SGCD: variants seen among roughly 807,000 people sequenced by gnomAD.
SGCD encodes the protein sarcoglycan delta.
SGCD carries 18 observed loss-of-function variants against 36.6 expected under a neutral mutation model. The ratio of observed to expected loss-of-function variants is 0.49; its 90% CI spans 0.34 to 0.73. The LOEUF is 0.73. SGCD is among the 30% of genes least tolerant of loss of function. The probability of loss-of-function intolerance (pLI) is 0.01; values close to 1 mark genes in which losing one functional copy is unlikely to be tolerated. For missense variants in SGCD, 387 were observed against 346.7 expected (o/e 1.12, Z -0.92); for synonymous variants, 133 against 130.6 (o/e 1.02, Z -0.12).
At position 156,296,889 on chromosome 5, in the gene SGCD, T is replaced by C. The variant is rs887248072; in HGVS notation, c.-43-32645T>C. On this transcript the variant is annotated intron_variant, in intron 3 of 9. Transcript: ENST00000517913. ...TTCACTGTTTTCAATTTTTGCTTCA[T>C]ATGTACACATGCACACTATATATGA... 4.6e-5 allele frequency among the ~76,000 whole-genome samples: 7 copies of C among 152,078 alleles called. No homozygotes were observed. The East Asian group carries it at 1.3e-3, about 29-fold the overall frequency.
chr5:156,733,342 T>C (rs1277875650), intron 7 of SGCD, among the ~76,000 whole-genome samples: 1 of 152,044 alleles, frequency 6.6e-6, no homozygotes, highest in Non-Finnish European at 1.5e-5. Flanking sequence ...TCAATTTCCA[T>C]GTAGTTGTGT....
At chr5:156,203,600 T>C (rs1764202292) in intron 3 of SGCD, among the ~76,000 whole-genome samples, 1 of 152,172 alleles carries the variant, frequency 6.6e-6, no homozygotes, top group South Asian at 2.1e-4. Context: ...CTTTATACTA[T>C]GGAAATAAAG....
chr5:156,227,943 C>T (rs1052282277), intron 3 of SGCD, among the ~76,000 whole-genome samples: 9 of 152,024 alleles, frequency 5.9e-5, no homozygotes, highest in African/African-American at 1.9e-4. Flanking sequence ...AATGTATTTG[C>T]ATGGTTTTGA....
intron 3 of SGCD, among the ~76,000 whole-genome samples, chr5:156,154,709 G>T (rs901776524): frequency 3.3e-5 from 5 of 151,658 alleles, no homozygotes; most frequent in African/African-American, 1.2e-4. Context: ...AAAGTAGTTG[G>T]ACTGTTTGTC....
intron 3 of SGCD, among the ~76,000 whole-genome samples, chr5:156,168,053 C>T (rs1458122119): frequency 6.6e-6 from 1 of 152,186 alleles, no homozygotes; most frequent in Non-Finnish European, 1.5e-5. Context: ...GAAAAACATA[C>T]ATGACAGGAA....
intron 6 of SGCD, among the ~76,000 whole-genome samples, chr5:156,595,832 AT>A (rs1175276075): frequency 6.6e-6 from 1 of 152,222 alleles, no homozygotes; most frequent in African/African-American, 2.4e-5. Flanking sequence ...AACACTGAGA[AT>A]TCGTTATTAA....
chr5:156,154,902 CT>C lies in SGCD; in HGVS notation c.-44+30888del, dbSNP rs1369759366. ...TGCTGCTCCTTTTCCTGTTCCCTGA[CT>C]TTTTACTGGACTCTGCACATAGCTC... is the stretch of plus-strand genomic sequence containing the variant. On this transcript the variant is annotated intron_variant, in intron 3 of 9. Coordinates refer to the SGCD transcript ENST00000517913. Among the ~76,000 whole-genome samples the C allele has an allele frequency of 8.6e-5, 13 of 151,718 alleles. No homozygotes were observed. The East Asian group carries it at 1.5e-3, about 18-fold the overall frequency.
chr5:156,357,696 A>G (rs1040022453), intron 3 of SGCD, among the ~76,000 whole-genome samples: 15 of 152,216 alleles, frequency 9.9e-5, no homozygotes, highest in Non-Finnish European at 2.2e-4. Flanking sequence ...TTTGATAAAT[A>G]AAGTTAAAGA....
chr5:156,101,836 C>A lies in SGCD; in HGVS notation c.-281-16042C>A, dbSNP rs1266875384. Among the ~76,000 whole-genome samples the A allele has an allele frequency of 2.7e-5, 4 of 150,460 alleles. 1 individual carries two copies. The highest frequency in any genetic ancestry group is 6.9e-3 in the Middle Eastern group (2 of 290). The stretch of plus-strand genomic sequence containing the variant: ...AAATCTTAGAGTGGAATCATAAATT[C>A]TTTGATTAAATTCCAATATCAATAA... On this transcript the variant is annotated intron_variant, in intron 1 of 9. Transcript: ENST00000517913.
At chr5:156,464,510 A>G (rs570663935) in intron 3 of SGCD, among the ~76,000 whole-genome samples, 1 of 152,238 alleles carries the variant, frequency 6.6e-6, no homozygotes, top group Admixed American at 6.5e-5. Flanking sequence ...GTGAGCCACC[A>G]TGCCCGGCCT....
At chr5:156,049,306 G>T (rs1451958368) in intron 1 of SGCD, among the ~76,000 whole-genome samples, 1 of 145,470 alleles carries the variant, frequency 6.9e-6, no homozygotes, top group Non-Finnish European at 1.5e-5. Context: ...TTGGTGATGC[G>T]GGCTCTTTTT....
chr5:156,465,834 A>G (rs1331870251), intron 3 of SGCD, among the ~76,000 whole-genome samples: 1 of 152,210 alleles, frequency 6.6e-6, no homozygotes, highest in Non-Finnish European at 1.5e-5. Flanking sequence ...AGGTGATGTC[A>G]CACAGATATT....
chr5:156,011,499 G>A (rs538172879), intron 1 of SGCD, among the ~76,000 whole-genome samples: 2 of 151,996 alleles, frequency 1.3e-5, no homozygotes, highest in South Asian at 4.2e-4. Flanking sequence ...GGAGGGCAGT[G>A]TCGTGATCTT....
intron 4 of SGCD, among the ~76,000 whole-genome samples, chr5:156,523,892 C>A (rs574148909): frequency 6.6e-6 from 1 of 151,036 alleles, no homozygotes; most frequent in East Asian, 1.9e-4. Context: ...ATGTACAATA[C>A]GTTTTTACTT....
chr5:156,710,447 G>T (rs1019871730), intron 7 of SGCD, among the ~76,000 whole-genome samples: 3 of 152,346 alleles, frequency 2.0e-5, no homozygotes, highest in South Asian at 4.1e-4. Flanking sequence ...AGAGATTTAT[G>T]TTGAGCCAAA....
At chr5:156,434,749 C>T (rs570441372) in intron 3 of SGCD, among the ~76,000 whole-genome samples, 8 of 152,182 alleles carry the variant, frequency 5.3e-5, no homozygotes, top group South Asian at 2.1e-4. Flanking sequence ...AAACATGCAC[C>T]GGTGAGCAGT....
At chr5:156,178,121 G>A (rs1408731703) in intron 3 of SGCD, among the ~76,000 whole-genome samples, 3 of 151,996 alleles carry the variant, frequency 2.0e-5, no homozygotes, top group African/African-American at 7.3e-5. Flanking sequence ...GTAATTTATT[G>A]AATAACATAC....
chr5:156,358,975 G>A (rs1258699145), intron 3 of SGCD, among the ~76,000 whole-genome samples: 1 of 152,020 alleles, frequency 6.6e-6, no homozygotes. Flanking sequence ...TGAGGAGAAT[G>A]CACTTATGTA....
At chr5:156,502,579 C>T (rs1756506696) in intron 3 of SGCD, among the ~76,000 whole-genome samples, 2 of 152,166 alleles carry the variant, frequency 1.3e-5, no homozygotes, top group African/African-American at 2.4e-5. Flanking sequence ...AAGAAATCTT[C>T]CTGCCTCAGC....
Sources: gnomAD v4.1 joint callset for allele counts (sites outside exome capture counted in the v4.1 genomes callset) on GRCh38, gnomAD v4.1.1 for gene constraint, MANE v1.5 for transcripts, NCBI Gene and HGNC (gene_info 2026-07-23, HGNC 2026-07-21) for gene names.